The following XIRP2 variants were observed in gnomAD, a reference collection of about 807,000 sequenced individuals.
The protein encoded by XIRP2 is xin actin binding repeat containing 2.
Under a neutral mutation model 277.0 loss-of-function variants are expected in XIRP2, and 236 were observed. The ratio of observed to expected loss-of-function variants is 0.85; its 90% confidence interval spans 0.77 to 0.95. The LOEUF (loss-of-function observed/expected upper bound fraction) is 0.95. XIRP2 is among the 40% of genes least tolerant of loss of function. The pLI, the probability that XIRP2 is intolerant of heterozygous loss-of-function variation, is 0.00. For synonymous variants in XIRP2, 1,490 were observed against 1,416.5 expected (o/e 1.05, Z -1.17); for missense variants, 4,640 against 4,157.5 (o/e 1.12, Z -3.19).
Position 167,242,630 on chromosome 2 carries a change from C to T in XIRP2, c.1238C>T (p.Ser413Phe), listed in dbSNP as rs759581649. 6.2e-7 allele frequency: 1 copy of T among 1,613,952 alleles called. No homozygotes were observed. Among genetic ancestry groups the T allele is most frequent in the Non-Finnish European group, 8.5e-7 (1 of 1,179,966 alleles). ...PSSVVSTSST[S>F]CVSTSQRKET... is the part of the protein sequence containing the mutation. ...TCAGTTGTGAGTACCTCTTCCACTT[C>T]TTGCGTTTCAACCAGCCAGAGGAAG... is the stretch of plus-strand genomic sequence containing the variant. Residue 413 changes from serine to phenylalanine, a missense_variant, in exon 9 of 11, where the codon TCT (serine) becomes TTT (phenylalanine). By Grantham distance (155) the Ser-to-Phe change is radical. Transcript: ENST00000409195.
intron 3 of XIRP2, among the ~76,000 whole-genome samples, chr2:167,156,176 G>C (rs936929793): frequency 5.3e-5 from 8 of 151,958 alleles, no homozygotes; most frequent in African/African-American, 1.9e-4. Flanking sequence ...TACTGCCCAA[G>C]GTAATTTATA....
intron 2 of XIRP2, among the ~76,000 whole-genome samples, chr2:166,906,227 A>G (rs988092545): frequency 6.6e-6 from 1 of 152,070 alleles, no homozygotes; most frequent in Non-Finnish European, 1.5e-5. Flanking sequence ...TAATGTTGCT[A>G]TGGAAGGAAA....
At chr2:166,928,770 G>T (rs1455998205) in intron 2 of XIRP2, among the ~76,000 whole-genome samples, 2 of 151,996 alleles carry the variant, frequency 1.3e-5, no homozygotes, top group Admixed American at 6.6e-5. Flanking sequence ...ATGTATGTCT[G>T]ATTCCCCTCC....
chr2:166,914,337 T>G (rs1252222486), intron 2 of XIRP2, among the ~76,000 whole-genome samples: 3 of 152,118 alleles, frequency 2.0e-5, no homozygotes, highest in Non-Finnish European at 2.9e-5. Context: ...TGCCATATTT[T>G]TTTTGTTTTG....
At chr2:166,927,499 A>G (rs1055339454) in intron 2 of XIRP2, among the ~76,000 whole-genome samples, 3 of 152,062 alleles carry the variant, frequency 2.0e-5, no homozygotes, top group Admixed American at 2.0e-4. Flanking sequence ...TTTAGAGGCC[A>G]CCTAAAATCT....
intron 2 of XIRP2, among the ~76,000 whole-genome samples, chr2:167,116,144 A>C (rs1316983119): frequency 6.6e-6 from 1 of 152,162 alleles, no homozygotes; most frequent in African/African-American, 2.4e-5. Context: ...AATATTAATT[A>C]AGTGCTGTTG....
Position 167,231,739 on chromosome 2 carries a change from G to A in XIRP2, c.859-8116G>A, listed in dbSNP as rs534578689. Reference sequence around the variant, plus strand: ...ACTGATCATCTCCATCTTGGGCTTTGCATAAGAGGTTAGTGACATGAGAAG... The same window carrying A: ...ACTGATCATCTCCATCTTGGGCTTTACATAAGAGGTTAGTGACATGAGAAG... On this transcript the variant is annotated intron_variant, in intron 5 of 10. Transcript: ENST00000409195. Among the ~76,000 whole-genome samples, 7 of 152,048 alleles carry A rather than the reference G, an allele frequency of 4.6e-5. No homozygotes were observed. The East Asian group carries it at 5.8e-4, about 13-fold the overall frequency.
intron 2 of XIRP2, among the ~76,000 whole-genome samples, chr2:166,951,623 A>AT (rs985600310): frequency 2.6e-5 from 4 of 151,864 alleles, no homozygotes; most frequent in African/African-American, 7.2e-5. Flanking sequence ...TGCATTGAAT[A>AT]TTTTTTTTGA....
At chr2:167,140,655 A>G (rs1017291663) in intron 3 of XIRP2, 1 of 152,162 alleles carries the variant, frequency 6.6e-6, no homozygotes, top group Non-Finnish European at 1.5e-5. Flanking sequence ...TGCCCCAAAT[A>G]ATGTTATTTT....
At chr2:167,021,256 T>C (rs891881535) in intron 2 of XIRP2, among the ~76,000 whole-genome samples, 8 of 152,210 alleles carry the variant, frequency 5.3e-5, no homozygotes, top group African/African-American at 1.4e-4. Flanking sequence ...ACTGCAAAGA[T>C]AGTTGAAAGT....
intron 3 of XIRP2, among the ~76,000 whole-genome samples, chr2:167,180,070 A>G (rs1005243452): frequency 2.6e-5 from 4 of 152,196 alleles, no homozygotes; most frequent in African/African-American, 7.2e-5. Context: ...CAAACTTGAA[A>G]CACCTTTCAC....
At chr2:166,941,241 A>G (rs1685705439) in intron 2 of XIRP2, among the ~76,000 whole-genome samples, 1 of 152,216 alleles carries the variant, frequency 6.6e-6, no homozygotes, top group Admixed American at 6.5e-5. Flanking sequence ...GGACTGTCCA[A>G]GCCATGCATG....
At chr2:167,033,097 T>G (rs970474913) in intron 2 of XIRP2, among the ~76,000 whole-genome samples, 1 of 152,092 alleles carries the variant, frequency 6.6e-6, no homozygotes, top group Non-Finnish European at 1.5e-5. Flanking sequence ...ATATACACGA[T>G]GGAATACTAT....
chr2:166,978,486 T>C (rs1189733708), intron 2 of XIRP2, among the ~76,000 whole-genome samples: 1 of 152,176 alleles, frequency 6.6e-6, no homozygotes, highest in Non-Finnish European at 1.5e-5. Context: ...CTTAATAATA[T>C]TGAGACTTCC....
Position 167,245,240 on chromosome 2 carries a change from C to G in XIRP2, c.3848C>G (p.Ser1283Cys). 1.2e-6 allele frequency: 2 copies of G among 1,613,474 alleles called. No homozygotes were observed. The highest frequency in any genetic ancestry group is 1.7e-6 in the Non-Finnish European group (2 of 1,179,668). Residue 1283 changes from serine (S) to cysteine (C), a missense_variant, in exon 9 of 11, where the codon TCT (serine) becomes TGT (cysteine). Coordinates refer to ENST00000409195, the MANE Select transcript of XIRP2 (RefSeq NM_152381.6). ...RKGCFIFETF[S>C]LDEIKEESDY... ...GGGTGCTTTATTTTTGAGACTTTTT[C>G]TTTAGATGAGATTAAAGAAGAATCT...
chr2:167,163,739 G>A (rs772978599), intron 3 of XIRP2, among the ~76,000 whole-genome samples: 1 of 152,124 alleles, frequency 6.6e-6, no homozygotes, highest in Non-Finnish European at 1.5e-5. Context: ...CTCTAGAATT[G>A]CAAAGATATT....
intron 2 of XIRP2, among the ~76,000 whole-genome samples, chr2:167,031,223 G>A (rs143599194): frequency 1.2e-3 from 183 of 152,150 alleles, no homozygotes; most frequent in African/African-American, 4.1e-3. Flanking sequence ...GTGTGAATTT[G>A]ATTCTGTCAT....
intron 2 of XIRP2, among the ~76,000 whole-genome samples, chr2:167,091,920 A>G (rs1213033366): frequency 6.6e-6 from 1 of 152,142 alleles, no homozygotes. Flanking sequence ...GTCCAATCCC[A>G]AAGTCTAGGA....
chr2:167,240,589 G>A, intron 6 of XIRP2, 75 bp from the exon 7 acceptor site: 2 of 1,265,102 alleles, frequency 1.6e-6, no homozygotes, highest in Non-Finnish European at 2.3e-6. Context: ...ACTGTAAAAT[G>A]AAGAGTATTA....
Sources: gnomAD v4.1 joint callset for allele counts (sites outside exome capture counted in the v4.1 genomes callset) on GRCh38, gnomAD v4.1.1 for gene constraint, MANE v1.5 for transcripts, NCBI Gene and HGNC (gene_info 2026-07-23, HGNC 2026-07-21) for gene names.